The following STK32B variants were observed in gnomAD, a reference collection of about 807,000 sequenced individuals.
STK32B encodes the protein serine/threonine kinase 32B.
In STK32B, 43 loss-of-function variants were observed where a neutral mutation model predicts 52.6. The ratio of observed to expected loss-of-function variants is 0.82; its 90% CI spans 0.64 to 1.05. STK32B has a LOEUF of 1.05. Ranked by LOEUF, STK32B falls within the 50% of genes least tolerant of loss-of-function variation. The pLI, the probability that STK32B is intolerant of heterozygous loss-of-function variation, is 0.00. For missense variants in STK32B, 621 were observed against 534.6 expected (o/e 1.16, Z -1.59); for synonymous variants, 238 against 204.3 (o/e 1.17, Z -1.41).
At chr4:5,194,007 G>A (rs929417569) in intron 3 of STK32B, among the ~76,000 whole-genome samples, 7 of 152,162 alleles carry the variant, frequency 4.6e-5, no homozygotes, top group Admixed American at 2.6e-4. Context: ...TTCTATCTGA[G>A]CATTCTTAAA....
chr4:5,098,747 C>A (rs1713538085), intron 1 of STK32B, among the ~76,000 whole-genome samples: 1 of 152,212 alleles, frequency 6.6e-6, no homozygotes, highest in African/African-American at 2.4e-5. Context: ...CTTTTACAAG[C>A]TGCTTTGTTA....
intron 3 of STK32B, among the ~76,000 whole-genome samples, chr4:5,180,773 C>T (rs1423356791): frequency 3.3e-5 from 5 of 152,120 alleles, no homozygotes; most frequent in South Asian, 2.1e-4. Flanking sequence ...TTTTTGCTGA[C>T]GTGCTCTACA....
chr4:5,388,495 A>G (rs1056710336), intron 4 of STK32B, among the ~76,000 whole-genome samples: 3 of 152,188 alleles, frequency 2.0e-5, no homozygotes, highest in Non-Finnish European at 4.4e-5. Flanking sequence ...AACATGACAC[A>G]TACTCACAGG....
intron 3 of STK32B, among the ~76,000 whole-genome samples, chr4:5,225,769 C>T (rs959538066): frequency 6.6e-6 from 1 of 152,172 alleles, no homozygotes; most frequent in African/African-American, 2.4e-5. Context: ...CTCTAACCAA[C>T]GGAGTTTTAG....
At chr4:5,493,447 C>T (rs539653868) in intron 11 of STK32B, among the ~76,000 whole-genome samples, 28 of 151,982 alleles carry the variant, frequency 1.8e-4, no homozygotes, top group Admixed American at 8.5e-4. Context: ...TTTTTTATTG[C>T]GTGTATTTGA....
chr4:5,165,483 C>T (rs1172265576), intron 2 of STK32B, among the ~76,000 whole-genome samples: 1 of 152,204 alleles, frequency 6.6e-6, no homozygotes, highest in Non-Finnish European at 1.5e-5. Context: ...GGGGACGCTA[C>T]ACAGACTGTC....
At chr4:5,167,994 G>T (rs189370984) in intron 2 of STK32B, among the ~76,000 whole-genome samples, 54 of 152,174 alleles carry the variant, frequency 3.5e-4, no homozygotes, top group Non-Finnish European at 7.5e-4. Context: ...TATTTTCCTC[G>T]TGGGCTGTGA....
chr4:5,047,427 G>T (rs142419033), upstream of STK32B, among the ~76,000 whole-genome samples: 8 of 151,824 alleles, frequency 5.3e-5, no homozygotes, highest in Non-Finnish European at 1.0e-4. Flanking sequence ...GTAACAAACC[G>T]ACACATTCTG....
chr4:5,217,207 G>A (rs1229078679), intron 3 of STK32B, among the ~76,000 whole-genome samples: 1 of 152,142 alleles, frequency 6.6e-6, no homozygotes, highest in Non-Finnish European at 1.5e-5. Flanking sequence ...ATGATTTAGA[G>A]GAGGCATAAT....
chr4:5,484,616 T>C (rs1006599289), intron 11 of STK32B, among the ~76,000 whole-genome samples: 9 of 152,310 alleles, frequency 5.9e-5, no homozygotes, highest in Non-Finnish European at 1.2e-4. Context: ...TACGTGTGAA[T>C]TTGATCCTGT....
At chr4:5,246,819 G>C (rs773485395) in intron 3 of STK32B, among the ~76,000 whole-genome samples, 3 of 152,270 alleles carry the variant, frequency 2.0e-5, no homozygotes, top group Non-Finnish European at 1.5e-5. Flanking sequence ...CAGGTCTGTT[G>C]GAGTTTACTG....
upstream of STK32B, among the ~76,000 whole-genome samples, chr4:5,048,114 A>G (rs1348994970): frequency 4.6e-5 from 7 of 150,636 alleles, no homozygotes; most frequent in Non-Finnish European, 7.4e-5. Flanking sequence ...TGAGGGAATA[A>G]TTTTCTGTTT....
At chr4:5,218,190 C>G (rs1008038955) in intron 3 of STK32B, among the ~76,000 whole-genome samples, 4 of 152,114 alleles carry the variant, frequency 2.6e-5, no homozygotes, top group Non-Finnish European at 5.9e-5. Flanking sequence ...GCCGGCCAGA[C>G]TCAAAGGGAT....
the STK32B span, among the ~76,000 whole-genome samples, chr4:5,036,659 ATTTTTTT>A: frequency 1.6e-4 from 12 of 74,234 alleles, no homozygotes; most frequent in South Asian, 5.4e-3. Flanking sequence ...GCAAGGGTGG[ATTTTTTT>A]TTTTTTTTTT....
At position 5,144,841 on chromosome 4, in the gene STK32B, G is replaced by A. The variant is rs900954501; in HGVS notation, c.108+4881G>A. ...CCATCCATCCATCCATCCAACATACGGAGGACCAATTTGCTCTGGGCCCTA... is the reference window on the plus strand; with the variant it reads ...CCATCCATCCATCCATCCAACATACAGAGGACCAATTTGCTCTGGGCCCTA... On this transcript the variant is annotated intron_variant, in intron 2 of 11. Transcript: ENST00000282908. Among the ~76,000 whole-genome samples, 4 of 150,162 alleles carry A rather than the reference G, an allele frequency of 2.7e-5. No homozygotes were observed. The East Asian group carries it at 7.9e-4, about 29-fold the overall frequency.
chr4:5,321,940 A>G (rs1014230446), intron 3 of STK32B, among the ~76,000 whole-genome samples: 4 of 149,120 alleles, frequency 2.7e-5, no homozygotes, highest in African/African-American at 9.8e-5. Flanking sequence ...GAATCAGTCC[A>G]GTGTGAAGAA....
At chr4:5,325,643 T>C (rs1311987345) in intron 3 of STK32B, among the ~76,000 whole-genome samples, 2 of 152,232 alleles carry the variant, frequency 1.3e-5, no homozygotes, top group African/African-American at 2.4e-5. Flanking sequence ...TCGCATTCTT[T>C]ATGCAGTTCT....
chr4:5,358,023 AACTT>A (rs1734296849), intron 4 of STK32B, among the ~76,000 whole-genome samples: 1 of 152,210 alleles, frequency 6.6e-6, no homozygotes, highest in Non-Finnish European at 1.5e-5. Flanking sequence ...TTTAAGGCAC[AACTT>A]AGTCATTTCT....
the STK32B span, among the ~76,000 whole-genome samples, chr4:5,021,222 T>TCCAGCC: frequency 6.6e-6 from 1 of 152,212 alleles, no homozygotes; most frequent in Non-Finnish European, 1.5e-5. Flanking sequence ...TGAGGTTCCT[T>TCCAGCC]CCAGCCCCAG....
Sources: gnomAD v4.1 joint callset for allele counts (sites outside exome capture counted in the v4.1 genomes callset) on GRCh38, gnomAD v4.1.1 for gene constraint, MANE v1.5 for transcripts, NCBI Gene and HGNC (gene_info 2026-07-23, HGNC 2026-07-21) for gene names.